The following KIF13A variants were observed in gnomAD, a reference collection of about 807,000 sequenced individuals.
The protein encoded by KIF13A is kinesin-like protein KIF13A.
A neutral mutation model predicts 212.2 loss-of-function variants in KIF13A; 79 were observed. The ratio of observed to expected loss-of-function variants is 0.37; its 90% CI spans 0.31 to 0.45. The LOEUF is 0.45. Among genes scored for constraint, KIF13A ranks in the 20% least tolerant of loss-of-function variants. KIF13A has a pLI of 1.00. For missense variants in KIF13A, 1,901 were observed against 2,209.0 expected, an observed-to-expected ratio of 0.86 and a Z score of 2.79; for synonymous variants, 789 against 808.6, an observed-to-expected ratio of 0.98 and a Z score of 0.41.
chr6:17,889,490 G>T (rs1013679223), intron 3 of KIF13A, among the ~76,000 whole-genome samples: 10 of 152,158 alleles, frequency 6.6e-5, no homozygotes, highest in African/African-American at 1.7e-4. Flanking sequence ...AGTTTAAAAT[G>T]AGCAAACTGA....
chr6:17,803,251 T>A (rs1762632542), intron 20 of KIF13A, among the ~76,000 whole-genome samples: 2 of 151,970 alleles, frequency 1.3e-5, no homozygotes, highest in Admixed American at 6.6e-5. Flanking sequence ...GGTCAATTTT[T>A]AAATTTCTTT....
rs1391973898 is a variant in KIF13A, at chr6:17,785,515, C to A, written c.3488G>T (p.Trp1163Leu). 6.4e-7 allele frequency: 1 copy of A among 1,567,436 alleles called. No homozygotes were observed. The highest frequency in any genetic ancestry group is 8.6e-7 in the Non-Finnish European group (1 of 1,159,154). ...GSGIPGAPAD[W>L]IPPPGMETHI... Reference sequence around the variant, plus strand: ...TGCACAGAAGGGAGGGCAGCCTTACCAGTCGGCAGGTGCCCCAGGAATCCC... The same window carrying A: ...TGCACAGAAGGGAGGGCAGCCTTACAAGTCGGCAGGTGCCCCAGGAATCCC... The change falls in exon 28 of 39, where the codon TGG becomes TTG. Residue 1163 changes from tryptophan to leucine, a missense_variant and splice_region_variant. Around this residue, in one of 5 missense-constraint regions of KIF13A, gnomAD observed 168 missense variants for 250.9 expected, o/e 0.67. Coordinates refer to ENST00000259711, the MANE Select transcript of KIF13A (RefSeq NM_022113.6). The surrounding 1 kb of genome is among the most constrained non-coding windows in gnomAD (Gnocchi z 5.8).
intron 2 of KIF13A, among the ~76,000 whole-genome samples, chr6:17,958,876 CTTTTTTTTT>C (rs398000716): frequency 2.5e-4 from 21 of 83,086 alleles, no homozygotes; most frequent in Middle Eastern, 7.1e-3. Flanking sequence ...TTTTCTTTTT[CTTTTTTTTT>C]TTTTTTTTTT....
intron 18 of KIF13A, among the ~76,000 whole-genome samples, chr6:17,807,382 G>A (rs563066255): frequency 1.3e-5 from 2 of 152,074 alleles, no homozygotes; most frequent in African/African-American, 2.4e-5. Context: ...ATAAACGGCC[G>A]CTCTGGGAAT....
rs1478131531 is a variant in KIF13A, at chr6:17,816,335, C to A, written c.2000+685G>T. On this transcript the variant is annotated intron_variant, in intron 17 of 38. Coordinates refer to ENST00000259711, the MANE Select transcript of KIF13A (RefSeq NM_022113.6). This position sits in a 1 kb window ranked among gnomAD's most constrained non-coding sequence, Gnocchi z 4.3. ...CCTCCCTCCTAAGCCTCCCAAGTAG[C>A]TGGGATTATAGGCACCAGCTACCAT... 4.6e-5 allele frequency among the ~76,000 whole-genome samples: 7 copies of A among 152,144 alleles called. No homozygotes were observed. The highest frequency in any genetic ancestry group is 7.4e-5 in the Non-Finnish European group (5 of 68,022).
intron 12 of KIF13A, among the ~76,000 whole-genome samples, chr6:17,832,056 A>T (rs900616051): frequency 6.6e-6 from 1 of 152,110 alleles, no homozygotes; most frequent in South Asian, 2.1e-4. Flanking sequence ...CGGGACAGTG[A>T]GTGAGGTGTA....
intron 12 of KIF13A, among the ~76,000 whole-genome samples, chr6:17,832,070 G>A (rs917295657): frequency 6.6e-6 from 1 of 152,058 alleles, no homozygotes; most frequent in East Asian, 1.9e-4. Flanking sequence ...AGGTGTAGGG[G>A]TATGTGTGGG....
rs1236289601 is a variant in KIF13A, at chr6:17,828,380, G to T, written c.1402-10C>A. ...CCACCCTGGTGTGATCCTAGTAAAAGATTATTAAGGAAAGAAAAACCCACA... is the reference window on the plus strand; with the variant it reads ...CCACCCTGGTGTGATCCTAGTAAAATATTATTAAGGAAAGAAAAACCCACA... On this transcript the variant is annotated splice_polypyrimidine_tract_variant and intron_variant, in intron 13 of 38. Coordinates refer to ENST00000259711, the MANE Select transcript of KIF13A (RefSeq NM_022113.6). The surrounding 1 kb of genome is among the most constrained non-coding windows in gnomAD (Gnocchi z 4.3). 1.9e-6 allele frequency: 3 copies of T among 1,597,550 alleles called. No individual in the cohort carries two copies. The highest frequency in any genetic ancestry group is 2.2e-5 in the East Asian group (1 of 44,546).
At chr6:17,867,712 T>C (rs1313729094) in intron 4 of KIF13A, among the ~76,000 whole-genome samples, 1 of 152,210 alleles carries the variant, frequency 6.6e-6, no homozygotes, top group Non-Finnish European at 1.5e-5. Context: ...AGTAAAATAA[T>C]GAACCAATAC....
rs2150506744 is a variant in KIF13A at position 17,912,522 on chromosome 6, C to A, written c.147-14342G>T. ...CTTCCAACTGTTCTCACCCTAAGCA[C>A]TTATTAGCATATAGACAATGCTTAT... On this transcript the variant is annotated intron_variant, in intron 2 of 38. Coordinates refer to ENST00000259711, the MANE Select transcript of KIF13A (RefSeq NM_022113.6). The surrounding 1 kb of genome is among the most constrained non-coding windows in gnomAD (Gnocchi z 4.2). Among the ~76,000 whole-genome samples, 2 of 152,352 alleles carry A rather than the reference C, an allele frequency of 1.3e-5. 1 individual carries two copies. Among genetic ancestry groups the A allele is most frequent in the South Asian group, 4.1e-4 (2 of 4,824 alleles).
Position 17,785,088 on chromosome 6 carries a change from T to G in KIF13A, c.3488+427A>C, listed in dbSNP as rs1467820473. 6.6e-6 allele frequency among the ~76,000 whole-genome samples: 1 copy of G among 152,170 alleles called. No individual in the cohort carries two copies. Among genetic ancestry groups the G allele is most frequent in the Non-Finnish European group, 1.5e-5 (1 of 68,034 alleles). ...GGTATGAAAGGTGTTTTATACACAT[T>G]ACAATATACAAGATAGTATTATCAT... On this transcript the variant is annotated intron_variant, in intron 28 of 38. Coordinates refer to ENST00000259711, the MANE Select transcript of KIF13A (RefSeq NM_022113.6). This position sits in a 1 kb window ranked among gnomAD's most constrained non-coding sequence, Gnocchi z 5.8.
intron 38 of KIF13A, among the ~76,000 whole-genome samples, chr6:17,770,042 G>A (rs539669622): frequency 1.3e-5 from 2 of 152,060 alleles, no homozygotes; most frequent in Non-Finnish European, 2.9e-5. Flanking sequence ...AGACCCACCC[G>A]CACCCCAAGC....
Position 17,815,637 on chromosome 6 carries a change from A to G in KIF13A, c.2000+1383T>C, listed in dbSNP as rs1418628226. On this transcript the variant is annotated intron_variant, in intron 17 of 38. Coordinates refer to ENST00000259711, the MANE Select transcript of KIF13A (RefSeq NM_022113.6). ...TATGGCTGGTTTTTCCCAGGTGATA[A>G]CTGTAGAACAAAGATTATTATAATA... 3 of 439,032 alleles carry G rather than the reference A, an allele frequency of 6.8e-6. No individual in the cohort carries two copies. In the Admixed American group the frequency reaches 7.1e-5, roughly 10 times the overall value. The allele number at this position is 439,032 out of a possible 1,614,324, so 27.2% of individuals were successfully genotyped here.
chr6:17,932,163 C>T (rs1776040392), intron 2 of KIF13A, among the ~76,000 whole-genome samples: 1 of 152,166 alleles, frequency 6.6e-6, no homozygotes, highest in Admixed American at 6.5e-5. Context: ...GACACACACA[C>T]AGATACACAC....
In KIF13A at chr6:17,773,687, T is replaced by G; in HGVS notation, c.4219-104A>C. 1 of 541,312 alleles carries G rather than the reference T, an allele frequency of 1.8e-6. No individual in the cohort carries two copies. 33.5% of individuals were successfully genotyped at this position (541,312 alleles called of 1,614,324 possible). A position where few individuals can be genotyped will look rare whatever the true frequency, so the allele number is the denominator to read the frequency against. On this transcript the variant is annotated intron_variant, in intron 35 of 38. Coordinates refer to ENST00000259711, the MANE Select transcript of KIF13A (RefSeq NM_022113.6). This position sits in a 1 kb window ranked among gnomAD's most constrained non-coding sequence, Gnocchi z 4.2. ...GTTTTTTTTTAATGGCAGCATATGC[T>G]CTTCTTTATTTTTATTATGATTTAT...
At chr6:17,954,082 G>A (rs890961952) in intron 2 of KIF13A, among the ~76,000 whole-genome samples, 4 of 151,988 alleles carry the variant, frequency 2.6e-5, no homozygotes, top group East Asian at 1.9e-4. Flanking sequence ...GGCAGATCAC[G>A]AGGTCAGGAG....
In KIF13A at chr6:17,940,823, T is replaced by A. The variant is rs61537852; in HGVS notation, c.147-42643A>T. On this transcript the variant is annotated intron_variant, in intron 2 of 38. Transcript: ENST00000259711. ...ACTTAACACATGTAAATTTATTTTT[T>A]TTTTTTTTTTTTTTTTTTTTGAGAC... 4.0e-4 allele frequency among the ~76,000 whole-genome samples: 59 copies of A among 149,000 alleles called. 2 individuals carry two copies. The highest frequency in any genetic ancestry group is 3.1e-3 in the South Asian group (15 of 4,774).
At chr6:17,813,153 T>G (rs1366006228) in intron 17 of KIF13A, among the ~76,000 whole-genome samples, 3 of 152,172 alleles carry the variant, frequency 2.0e-5, no homozygotes, top group Non-Finnish European at 2.9e-5. Context: ...CTGATAACTT[T>G]TGTCTGTTTC....
chr6:17,823,446 C>T lies in KIF13A; in HGVS notation c.1786+2322G>A, dbSNP rs550971036. 2.7e-5 allele frequency among the ~76,000 whole-genome samples: 4 copies of T among 146,604 alleles called. No individual in the cohort carries two copies. The South Asian group carries it at 8.9e-4, about 33-fold the overall frequency. On this transcript the variant is annotated intron_variant, in intron 16 of 38. Transcript: ENST00000259711. Reference sequence around the variant, plus strand: ...CACTTCCCCCTCCCTGCCTTCCTCCCTCTCTTTTTCCTTCCTTCCTTTCTT... The same window carrying T: ...CACTTCCCCCTCCCTGCCTTCCTCCTTCTCTTTTTCCTTCCTTCCTTTCTT...
Sources: gnomAD v4.1 joint callset for allele counts (sites outside exome capture counted in the v4.1 genomes callset) on GRCh38, gnomAD v4.1.1 for gene constraint, gnomAD v4.1.1 regional missense constraint, Gnocchi (gnomAD v3.1) non-coding constraint, MANE v1.5 for transcripts, NCBI Gene and HGNC (gene_info 2026-07-23, HGNC 2026-07-21) for gene names.